Variants in EYS observed in about 807,000 individuals in gnomAD.
EYS encodes the protein EGF-like photoreceptor maintenance factor.
A neutral mutation model predicts 282.1 loss-of-function variants in EYS; 250 were observed. The ratio of observed to expected loss-of-function variants is 0.89; its 90% CI spans 0.80 to 0.98. EYS has a LOEUF of 0.98. Ranked by LOEUF, EYS falls within the 50% of genes least tolerant of loss-of-function variation. The pLI, the probability that EYS is intolerant of heterozygous loss-of-function variation, is 0.00. For synonymous variants in EYS, 1,355 were observed against 1,282.9 expected (o/e 1.06, Z -1.20); for missense variants, 4,016 against 3,709.0 (o/e 1.08, Z -2.15).
chr6:65,100,184 AATATT>A (rs1774854589), intron 12 of EYS, among the ~76,000 whole-genome samples: 1 of 150,878 alleles, frequency 6.6e-6, no homozygotes, highest in South Asian at 2.1e-4. Flanking sequence ...TGATGCAAAT[AATATT>A]ATAACAGCAT....
At chr6:63,916,850 G>A (rs1045532704) in intron 35 of EYS, among the ~76,000 whole-genome samples, 4 of 152,162 alleles carry the variant, frequency 2.6e-5, no homozygotes, top group African/African-American at 9.7e-5. Context: ...GGAGTCGATG[G>A]AGAAAAGCAG....
rs866199723 is a variant in EYS at position 64,488,377 on chromosome 6, C to G, written c.5645-49025G>C. Among the ~76,000 whole-genome samples the G allele has an allele frequency of 2.6e-5, 4 of 151,094 alleles. No homozygotes were observed. In the South Asian group the frequency reaches 8.3e-4, roughly 31 times the overall value. Reference sequence around the variant, plus strand: ...TCACTGGCAGATTCTCTCCTTTTACCTGGAAAGTGCTCATAAAATCAAAAA... The same window carrying G: ...TCACTGGCAGATTCTCTCCTTTTACGTGGAAAGTGCTCATAAAATCAAAAA... On this transcript the variant is annotated intron_variant, in intron 26 of 42. Coordinates refer to ENST00000503581, the MANE Select transcript of EYS (RefSeq NM_001142800.2).
chr6:64,483,087 T>G (rs1209020745), intron 26 of EYS, among the ~76,000 whole-genome samples: 1 of 151,636 alleles, frequency 6.6e-6, no homozygotes, highest in Admixed American at 6.6e-5. Flanking sequence ...ACAATTTTTT[T>G]TTCTGCAAAG....
chr6:64,123,042 T>G (rs1264896086), intron 31 of EYS, among the ~76,000 whole-genome samples: 1 of 152,152 alleles, frequency 6.6e-6, no homozygotes, highest in Non-Finnish European at 1.5e-5. Flanking sequence ...TACAGTCTAA[T>G]AACAGTAATA....
chr6:64,524,663 G>T (rs150576888), intron 26 of EYS, among the ~76,000 whole-genome samples: 45 of 151,748 alleles, frequency 3.0e-4, no homozygotes, highest in African/African-American at 1.0e-3. Flanking sequence ...ATGGTAAGGG[G>T]TCTAGTTTCA....
intron 5 of EYS, among the ~76,000 whole-genome samples, chr6:65,447,871 A>G (rs1299610258): frequency 6.6e-6 from 1 of 152,056 alleles, no homozygotes; most frequent in African/African-American, 2.4e-5. Context: ...ATGTTGGCAG[A>G]GAATGGAAGA....
At chr6:64,711,699 T>C (rs942347063) in intron 22 of EYS, among the ~76,000 whole-genome samples, 1 of 152,220 alleles carries the variant, frequency 6.6e-6, no homozygotes, top group African/African-American at 2.4e-5. Context: ...TACACAGATA[T>C]GATGCAATAT....
intron 35 of EYS, among the ~76,000 whole-genome samples, chr6:63,937,970 C>T (rs1765123134): frequency 6.6e-6 from 1 of 152,186 alleles, no homozygotes; most frequent in African/African-American, 2.4e-5. Context: ...CGTGCACTGA[C>T]TAGCTGATAA....
At chr6:63,966,218 C>T (rs1766301424) in intron 35 of EYS, among the ~76,000 whole-genome samples, 1 of 152,084 alleles carries the variant, frequency 6.6e-6, no homozygotes, top group Non-Finnish European at 1.5e-5. Flanking sequence ...TTTGCAGCGA[C>T]CTGGATGAGA....
intron 29 of EYS, among the ~76,000 whole-genome samples, chr6:64,368,707 C>CT (rs1772257191): frequency 6.6e-6 from 1 of 152,062 alleles, no homozygotes; most frequent in Non-Finnish European, 1.5e-5. Context: ...TGTGTGTCTT[C>CT]TTTTGAAAAC....
chr6:64,893,745 A>G (rs868320758), intron 18 of EYS, among the ~76,000 whole-genome samples: 1 of 151,964 alleles, frequency 6.6e-6, no homozygotes, highest in African/African-American at 2.4e-5. Flanking sequence ...GTATTGTTTC[A>G]TGTTGCTGAA....
chr6:63,793,021 G>A (rs1052950825), intron 37 of EYS, among the ~76,000 whole-genome samples: 3 of 152,080 alleles, frequency 2.0e-5, no homozygotes, highest in African/African-American at 4.8e-5. Context: ...CAGTGATAAC[G>A]CAAAATGAGT....
intron 12 of EYS, among the ~76,000 whole-genome samples, chr6:65,084,317 C>T (rs1026705392): frequency 1.3e-5 from 2 of 151,950 alleles, no homozygotes; most frequent in African/African-American, 4.8e-5. Flanking sequence ...TGCATTTTCC[C>T]CAAATACGAT....
intron 2 of EYS, among the ~76,000 whole-genome samples, chr6:65,543,238 G>GCTCCTGACCTCA (rs201482230): frequency 0.74 from 112,325 of 150,790 alleles, 42,615 homozygotes; most frequent in African/African-American, 0.89. Context: ...AGGCTGGTCA[G>GCTCCTGACCTCA]GATGAACAAC....
intron 12 of EYS, among the ~76,000 whole-genome samples, chr6:65,140,407 A>G (rs1400085359): frequency 6.6e-6 from 1 of 152,024 alleles, no homozygotes; most frequent in East Asian, 1.9e-4. Context: ...AGTTTATAAG[A>G]TGTAACTTTG....
intron 14 of EYS, among the ~76,000 whole-genome samples, chr6:64,995,237 T>C (rs1485125167): frequency 6.6e-6 from 1 of 152,172 alleles, no homozygotes; most frequent in Non-Finnish European, 1.5e-5. Flanking sequence ...TTACACTTTA[T>C]ATATGTTGCC....
intron 12 of EYS, among the ~76,000 whole-genome samples, chr6:65,173,168 T>G (rs1413498213): frequency 6.6e-6 from 1 of 151,354 alleles, no homozygotes; most frequent in Admixed American, 6.6e-5. Context: ...CCATCTTAAA[T>G]TACGGTGGTG....
At chr6:64,794,406 T>C (rs1156822984) in intron 22 of EYS, among the ~76,000 whole-genome samples, 3 of 152,116 alleles carry the variant, frequency 2.0e-5, no homozygotes, top group African/African-American at 7.2e-5. Flanking sequence ...GACTTCTCTC[T>C]TGCTATCATG....
chr6:65,471,272 C>T (rs1765206489), intron 5 of EYS, among the ~76,000 whole-genome samples: 1 of 149,362 alleles, frequency 6.7e-6, no homozygotes, highest in Non-Finnish European at 1.5e-5. Context: ...GTTAGGGTGC[C>T]TGTGGTCCCA....
Sources: allele counts gnomAD v4.1 joint callset (sites outside exome capture counted in the v4.1 genomes callset), GRCh38; gene constraint gnomAD v4.1.1; transcripts MANE v1.5; gene names NCBI Gene and HGNC (gene_info 2026-07-23, HGNC 2026-07-21).